ZBTB7C: variants seen among roughly 807,000 people sequenced by gnomAD.
ZBTB7C encodes the protein zinc finger and BTB domain-containing protein 7C.
A neutral mutation model predicts 25.7 loss-of-function variants in ZBTB7C; 8 were observed. The ratio of observed to expected loss-of-function variants is 0.31; its 90% CI spans 0.18 to 0.56. The LOEUF is 0.56. Ranked by LOEUF, ZBTB7C falls within the 20% of genes least tolerant of loss-of-function variation. The pLI, the probability that ZBTB7C is intolerant of heterozygous loss-of-function variation, is 0.91. For missense variants in ZBTB7C, 824 were observed against 855.2 expected, an observed-to-expected ratio of 0.96 and a Z score of 0.46; for synonymous variants, 394 against 369.0, an observed-to-expected ratio of 1.07 and a Z score of -0.78.
At chr18:48,362,443 C>G (rs2047130261) in intron 1 of ZBTB7C, among the ~76,000 whole-genome samples, 1 of 152,154 alleles carries the variant, frequency 6.6e-6, no homozygotes, top group South Asian at 2.1e-4. Flanking sequence ...TTATAATGGG[C>G]TGAAGAGACC....
chr18:48,263,414 C>T (rs1160564287), intron 2 of ZBTB7C, among the ~76,000 whole-genome samples: 1 of 152,232 alleles, frequency 6.6e-6, no homozygotes, highest in Non-Finnish European at 1.5e-5. Context: ...ATCTCTGCAT[C>T]CACTCTGCAG....
chr18:48,322,836 A>G (rs1249135477), intron 2 of ZBTB7C, among the ~76,000 whole-genome samples: 1 of 152,064 alleles, frequency 6.6e-6, no homozygotes, highest in African/African-American at 2.4e-5. Context: ...CAACTGTGGT[A>G]TATATATATA....
At chr18:48,376,144 T>A (rs1032779327) in intron 1 of ZBTB7C, among the ~76,000 whole-genome samples, 14 of 152,244 alleles carry the variant, frequency 9.2e-5, no homozygotes, top group Non-Finnish European at 1.9e-4. Flanking sequence ...ATCTAAGAAC[T>A]GTTTCCAGTT....
intron 3 of ZBTB7C, among the ~76,000 whole-genome samples, chr18:48,141,918 T>G (rs1352337619): frequency 1.3e-5 from 2 of 152,254 alleles, no homozygotes; most frequent in Admixed American, 6.5e-5. Context: ...CATGGCTCTA[T>G]CACTTTCATC....
At chr18:48,100,981 C>T (rs578249366) in intron 3 of ZBTB7C, among the ~76,000 whole-genome samples, 1 of 152,182 alleles carries the variant, frequency 6.6e-6, no homozygotes, top group South Asian at 2.1e-4. Flanking sequence ...TTCTGGGCTC[C>T]TCGTGCATCA....
chr18:48,133,053 A>G (rs1416301257), intron 3 of ZBTB7C, among the ~76,000 whole-genome samples: 1 of 152,214 alleles, frequency 6.6e-6, no homozygotes, highest in Non-Finnish European at 1.5e-5. Flanking sequence ...GCTCCACTCA[A>G]TTTGTTCAGT....
Position 48,193,777 on chromosome 18 carries a change from C to T in ZBTB7C, c.-78-7782G>A, listed in dbSNP as rs559667582. ...GTGGAGTCATCTCTGAGCATCCTGC[C>T]TCGTCAGTGTGGAGACAGAAGCAGA... On this transcript the variant is annotated intron_variant, in intron 2 of 4. Transcript: ENST00000590800. 5.6e-4 allele frequency among the ~76,000 whole-genome samples: 85 copies of T among 152,354 alleles called. 3 individuals are homozygous for T. In the South Asian group the frequency reaches 0.016, roughly 29 times the overall value.
At chr18:48,031,226 C>T (rs2035734698) in intron 4 of ZBTB7C, among the ~76,000 whole-genome samples, 1 of 152,142 alleles carries the variant, frequency 6.6e-6, no homozygotes, top group African/African-American at 2.4e-5. Context: ...AATGGTTCTC[C>T]AGGGGCAGAG....
intron 3 of ZBTB7C, among the ~76,000 whole-genome samples, chr18:48,112,958 C>G (rs2039299687): frequency 6.6e-6 from 1 of 152,170 alleles, no homozygotes; most frequent in African/African-American, 2.4e-5. Context: ...AGATTCAGTG[C>G]ATCAGAGAAA....
At chr18:48,350,480 T>C (rs2046839426) in intron 1 of ZBTB7C, 1 of 152,210 alleles carries the variant, frequency 6.6e-6, no homozygotes, top group Non-Finnish European at 1.5e-5. Context: ...AATTTCCCCA[T>C]CTCAGTATCT....
intron 2 of ZBTB7C, among the ~76,000 whole-genome samples, chr18:48,242,802 C>T (rs577304339): frequency 6.6e-6 from 1 of 152,202 alleles, no homozygotes; most frequent in Non-Finnish European, 1.5e-5. Flanking sequence ...ACAAGAATAC[C>T]CACTTTCACC....
chr18:48,076,742 C>T (rs899446794), intron 3 of ZBTB7C, among the ~76,000 whole-genome samples: 2 of 152,156 alleles, frequency 1.3e-5, no homozygotes, highest in Admixed American at 6.5e-5. Context: ...CTTGGGACAG[C>T]TATTATGAGG....
chr18:48,307,139 T>G (rs2045695508), intron 2 of ZBTB7C, among the ~76,000 whole-genome samples: 1 of 152,174 alleles, frequency 6.6e-6, no homozygotes. Context: ...CTGGGCTGCC[T>G]GCCTTAATAC....
In ZBTB7C at chr18:48,167,672, C is replaced by T. The variant is rs150897982; in HGVS notation, c.-17+18262G>A. 1.5e-3 allele frequency among the ~76,000 whole-genome samples: 233 copies of T among 152,056 alleles called. 1 individual carries two copies. The highest frequency in any genetic ancestry group is 5.3e-3 in the African/African-American group (220 of 41,466). On this transcript the variant is annotated intron_variant, in intron 3 of 4. Coordinates refer to ENST00000590800, the MANE Select transcript of ZBTB7C (RefSeq NM_001318841.2). The stretch of plus-strand genomic sequence containing the variant: ...AGCTTTTCAAAGCAACCTTTCTCCC[C>T]CTTGCCAGAAACAATGAATTAGTGA...
rs572487442 is a variant in ZBTB7C at position 48,103,886 on chromosome 18, CA to C, written c.-16-62764del. 5.2e-3 allele frequency among the ~76,000 whole-genome samples: 798 copies of C among 152,210 alleles called. 4 individuals are homozygous for C. Among genetic ancestry groups the C allele is most frequent in the Non-Finnish European group, 7.7e-3 (523 of 68,020 alleles). ...CTTTTATGAAATATCCAGAATAGGC[CA>C]ATCTATAGAGACATAAAGTAGATTA... On this transcript the variant is annotated intron_variant, in intron 3 of 4. Coordinates refer to ENST00000590800, the MANE Select transcript of ZBTB7C (RefSeq NM_001318841.2).
intron 3 of ZBTB7C, among the ~76,000 whole-genome samples, chr18:48,070,765 CTA>C (rs2144395172): frequency 6.6e-6 from 1 of 152,284 alleles, no homozygotes; most frequent in Admixed American, 6.5e-5. Context: ...CAAGAAGAGT[CTA>C]TAGATCCAGA....
At chr18:48,110,127 T>C (rs1016661431) in intron 3 of ZBTB7C, among the ~76,000 whole-genome samples, 13 of 152,254 alleles carry the variant, frequency 8.5e-5, no homozygotes, top group Non-Finnish European at 1.3e-4. Flanking sequence ...ATTATGACCA[T>C]TGTCATCACC....
chr18:48,084,915 C>A (rs1318490495), intron 3 of ZBTB7C, among the ~76,000 whole-genome samples: 1 of 152,192 alleles, frequency 6.6e-6, no homozygotes, highest in Non-Finnish European at 1.5e-5. Flanking sequence ...GTCACTCCTA[C>A]TGACCCCTGA....
intron 1 of ZBTB7C, among the ~76,000 whole-genome samples, chr18:48,398,386 G>C (rs1483569792): frequency 6.6e-6 from 1 of 152,190 alleles, no homozygotes; most frequent in South Asian, 2.1e-4. Context: ...GCCCTTTGGA[G>C]GACCCTGCAT....
Sources: gnomAD v4.1 joint callset for allele counts (sites outside exome capture counted in the v4.1 genomes callset) on GRCh38, gnomAD v4.1.1 for gene constraint, MANE v1.5 for transcripts, NCBI Gene and HGNC (gene_info 2026-07-23, HGNC 2026-07-21) for gene names.